Variants in UMAD1 observed in about 807,000 individuals in gnomAD.
UMAD1 encodes the protein UBAP1-MVB12-associated (UMA) domain containing 1.
A neutral mutation model predicts 6.1 loss-of-function variants in UMAD1; 8 were observed. The ratio of observed to expected loss-of-function variants is 1.30; its 90% confidence interval spans 0.76 to 2.35. The LOEUF (loss-of-function observed/expected upper bound fraction) is 2.35. Ranked by LOEUF, UMAD1 falls within the 30% of genes most tolerant of loss-of-function variation. The pLI is 0.00. For missense variants in UMAD1, 130 were observed against 78.4 expected (o/e 1.66, Z -2.49); for synonymous variants, 56 against 31.4 (o/e 1.78, Z -2.61).
chr7:7,778,271 TGTGTGAGAGA>T (rs1418193479), intron 2 of UMAD1, among the ~76,000 whole-genome samples: 9 of 111,400 alleles, frequency 8.1e-5, no homozygotes, highest in African/African-American at 1.9e-4. Flanking sequence ...TGTGTGTGTG[TGTGTGAGAGA>T]GAGAGAGAGA....
At chr7:7,836,955 T>TA (rs35860331) in intron 3 of UMAD1, among the ~76,000 whole-genome samples, 44,997 of 145,786 alleles carry the variant, frequency 0.31, 7,119 homozygotes, top group Non-Finnish European at 0.36. Flanking sequence ...CCAAAACTAT[T>TA]AAAAAAAAAA....
chr7:7,809,270 A>G (rs1782979986), intron 3 of UMAD1, among the ~76,000 whole-genome samples: 4 of 152,002 alleles, frequency 2.6e-5, no homozygotes, highest in Admixed American at 1.3e-4. Context: ...TCACTTTGGA[A>G]TATTGTACAA....
chr7:7,782,522 C>T (rs929178492), intron 2 of UMAD1, among the ~76,000 whole-genome samples: 2 of 151,860 alleles, frequency 1.3e-5, no homozygotes, highest in Admixed American at 1.3e-4. Flanking sequence ...AGTTTACTTT[C>T]AATTTTTAAA....
In UMAD1 at chr7:7,681,612, T is replaced by C. The variant is rs566568838; in HGVS notation, c.82+8159T>C. 1.2e-4 allele frequency among the ~76,000 whole-genome samples: 19 copies of C among 152,274 alleles called. No homozygotes were observed. The South Asian group carries it at 3.9e-3, about 32-fold the overall frequency. ...GCTATTCCTTCATTCAGTAATGAAG[T>C]TGAAGTAATCCTCCAGGGTACTCAT... On this transcript the variant is annotated intron_variant, in intron 2 of 3. Coordinates refer to ENST00000682710, the MANE Select transcript of UMAD1 (RefSeq NM_001302348.2).
At chr7:7,718,799 T>C (rs1465736584) in intron 2 of UMAD1, among the ~76,000 whole-genome samples, 1 of 152,134 alleles carries the variant, frequency 6.6e-6, no homozygotes, top group East Asian at 1.9e-4. Flanking sequence ...TCAGAAGCAA[T>C]ACCAGCATTA....
At chr7:7,819,211 A>G (rs771978331) in intron 3 of UMAD1, among the ~76,000 whole-genome samples, 18 of 152,198 alleles carry the variant, frequency 1.2e-4, no homozygotes, top group Non-Finnish European at 2.2e-4. Flanking sequence ...TTTTAGCCCC[A>G]TAGTACAGGA....
chr7:7,864,243 G>T (rs570180520), intron 3 of UMAD1, among the ~76,000 whole-genome samples: 1 of 152,306 alleles, frequency 6.6e-6, no homozygotes, highest in East Asian at 1.9e-4. Context: ...TGGTATATTT[G>T]TGGTCACAAA....
At chr7:7,739,460 G>GT (rs931739759) in intron 2 of UMAD1, among the ~76,000 whole-genome samples, 3 of 152,010 alleles carry the variant, frequency 2.0e-5, no homozygotes, top group Non-Finnish European at 2.9e-5. Flanking sequence ...TTAACAAGTG[G>GT]TTTTTTGAAG....
chr7:7,866,342 T>C (rs576789768), intron 3 of UMAD1, among the ~76,000 whole-genome samples: 1 of 152,312 alleles, frequency 6.6e-6, no homozygotes, highest in South Asian at 2.1e-4. Context: ...CAGGGAATTC[T>C]AGTCGAGTGT....
chr7:7,655,725 T>G (rs1785324714), intron 1 of UMAD1, among the ~76,000 whole-genome samples: 1 of 152,204 alleles, frequency 6.6e-6, no homozygotes, highest in African/African-American at 2.4e-5. Flanking sequence ...ATGAAAAGAT[T>G]AGGAGTGTTA....
intron 1 of UMAD1, among the ~76,000 whole-genome samples, chr7:7,651,146 G>T (rs939557738): frequency 2.6e-5 from 4 of 152,128 alleles, no homozygotes; most frequent in Non-Finnish European, 4.4e-5. Context: ...ATCTAAAAAA[G>T]TTGGATTAAA....
At chr7:7,835,319 G>A (rs774849980) in intron 3 of UMAD1, among the ~76,000 whole-genome samples, 7 of 148,354 alleles carry the variant, frequency 4.7e-5, no homozygotes, top group Non-Finnish European at 1.0e-4. Flanking sequence ...CAGCAAAAAT[G>A]TCTTTATGTA....
At chr7:7,820,773 C>T (rs1444238985) in intron 3 of UMAD1, among the ~76,000 whole-genome samples, 3 of 151,908 alleles carry the variant, frequency 2.0e-5, no homozygotes, top group Admixed American at 1.3e-4. Flanking sequence ...ACAATTCCTA[C>T]CAATTAGTCA....
intron 2 of UMAD1, among the ~76,000 whole-genome samples, chr7:7,777,430 C>T (rs1051882445): frequency 4.8e-5 from 7 of 147,042 alleles, no homozygotes; most frequent in African/African-American, 1.3e-4. Context: ...CGCCTGAACC[C>T]GGGAGGTGGT....
chr7:7,696,500 G>T (rs1780321976), intron 2 of UMAD1, among the ~76,000 whole-genome samples: 2 of 152,142 alleles, frequency 1.3e-5, no homozygotes, highest in South Asian at 4.1e-4. Flanking sequence ...CCTGTTATAT[G>T]AATTTAGTTA....
intron 2 of UMAD1, 133 bp from the exon 3 acceptor site, chr7:7,801,537 A>G: frequency 1.7e-6 from 1 of 590,782 alleles, no homozygotes; most frequent in Non-Finnish European, 3.0e-6. Flanking sequence ...GTTTACTTTG[A>G]AACAAGGGAA....
intron 3 of UMAD1, among the ~76,000 whole-genome samples, chr7:7,827,145 A>ATGTGTG (rs1162912790): frequency 7.4e-6 from 1 of 135,354 alleles, no homozygotes; most frequent in East Asian, 2.1e-4. Context: ...ATATATATAT[A>ATGTGTG]TATGTGTGTG....
At chr7:7,793,174 A>G (rs1782602979) in intron 2 of UMAD1, among the ~76,000 whole-genome samples, 1 of 152,192 alleles carries the variant, frequency 6.6e-6, no homozygotes, top group Non-Finnish European at 1.5e-5. Flanking sequence ...TTAGTGTCTA[A>G]TATGTTTTCC....
intron 2 of UMAD1, among the ~76,000 whole-genome samples, chr7:7,692,799 G>A (rs1421621428): frequency 2.0e-5 from 3 of 152,078 alleles, no homozygotes; most frequent in Non-Finnish European, 4.4e-5. Flanking sequence ...TAGTAGAGAC[G>A]GGGTTCACCA....
Sources: gnomAD v4.1 joint callset for allele counts (sites outside exome capture counted in the v4.1 genomes callset) on GRCh38, gnomAD v4.1.1 for gene constraint, MANE v1.5 for transcripts, NCBI Gene and HGNC (gene_info 2026-07-23, HGNC 2026-07-21) for gene names.